The following PRKG1 variants were observed in gnomAD, a reference collection of about 807,000 sequenced individuals.
PRKG1 encodes protein kinase cGMP-dependent 1.
A neutral mutation model predicts 88.1 loss-of-function variants in PRKG1; 35 were observed. That is an observed-to-expected ratio of 0.40 (90% CI 0.30 to 0.53). PRKG1 has a LOEUF of 0.53. Ranked by LOEUF, PRKG1 falls within the 20% of genes least tolerant of loss-of-function variation. PRKG1 has a pLI of 0.59. For synonymous variants in PRKG1, 303 were observed against 292.5 expected (o/e 1.04, Z -0.37); for missense variants, 540 against 839.8 (o/e 0.64, Z 4.41).
intron 1 of PRKG1, among the ~76,000 whole-genome samples, chr10:51,087,439 A>G (rs1463778704): frequency 6.6e-6 from 1 of 152,190 alleles, no homozygotes; most frequent in Non-Finnish European, 1.5e-5. Flanking sequence ...ATATGGAGAA[A>G]ATGAGGCACA....
chr10:51,887,407 C>T (rs1367303621), intron 4 of PRKG1, among the ~76,000 whole-genome samples: 1 of 152,150 alleles, frequency 6.6e-6, no homozygotes, highest in African/African-American at 2.4e-5. Context: ...AAGATCTGAA[C>T]TTTGATTCTT....
chr10:51,620,609 A>T (rs770198306), intron 3 of PRKG1, among the ~76,000 whole-genome samples: 18 of 152,058 alleles, frequency 1.2e-4, no homozygotes, highest in Non-Finnish European at 1.5e-4. Flanking sequence ...TGTTATACTC[A>T]ATCATTTATT....
chr10:51,313,955 G>C (rs1841256902), intron 2 of PRKG1, among the ~76,000 whole-genome samples: 1 of 152,200 alleles, frequency 6.6e-6, no homozygotes, highest in Non-Finnish European at 1.5e-5. Context: ...ATCCATGGGT[G>C]TGGAACTCCA....
chr10:51,994,638 C>T (rs535865944), intron 5 of PRKG1, among the ~76,000 whole-genome samples: 13 of 152,230 alleles, frequency 8.5e-5, no homozygotes, highest in African/African-American at 3.1e-4. Context: ...TCCTTAGGTC[C>T]GTAGTGCTTT....
In PRKG1 at chr10:51,944,097, G is replaced by C. The variant is rs556858505; in HGVS notation, c.762+36527G>C. ...TCCATCTGGTCCTGGACTCTTTTTG[G>C]TTAGTAAGCTATTGATTATTGCCAC... On this transcript the variant is annotated intron_variant, in intron 5 of 17. Coordinates refer to ENST00000373980, the MANE Select transcript of PRKG1 (RefSeq NM_006258.4). 3.0e-3 allele frequency among the ~76,000 whole-genome samples: 463 copies of C among 152,072 alleles called. 12 individuals carry two copies. Among genetic ancestry groups the C allele is most frequent in the African/African-American group, 0.011 (444 of 41,378 alleles).
At chr10:51,972,965 A>G (rs1248550176) in intron 5 of PRKG1, among the ~76,000 whole-genome samples, 1 of 152,104 alleles carries the variant, frequency 6.6e-6, no homozygotes, top group African/African-American at 2.4e-5. Context: ...AAAGTCACTG[A>G]TCTGGTCAGA....
chr10:51,586,276 C>T (rs542271300), intron 3 of PRKG1, among the ~76,000 whole-genome samples: 13 of 152,134 alleles, frequency 8.5e-5, no homozygotes, highest in Admixed American at 3.9e-4. Context: ...ATATTACATA[C>T]TAAAGCTATA....
intron 10 of PRKG1, among the ~76,000 whole-genome samples, chr10:52,259,952 C>T (rs1051084191): frequency 6.6e-5 from 10 of 152,004 alleles, no homozygotes; most frequent in African/African-American, 1.7e-4. Context: ...ATACAAGAAT[C>T]GTATGGGGGA....
In PRKG1 at chr10:52,118,376, ATACT is replaced by A. The variant is rs1847737602; in HGVS notation, c.936-15461_936-15458del. On this transcript the variant is annotated intron_variant, in intron 7 of 17. Transcript: ENST00000373980. Reference sequence around the variant, plus strand: ...GGATATTTAGATATTTAAGCTATAAATACTTAAGGAAACTTTTAATGCATACATA... The same window carrying A: ...GGATATTTAGATATTTAAGCTATAAATAAGGAAACTTTTAATGCATACATA... Among the ~76,000 whole-genome samples, 3 of 152,148 alleles carry A rather than the reference ATACT, an allele frequency of 2.0e-5. No homozygotes were observed. The South Asian group carries it at 6.2e-4, about 32-fold the overall frequency.
At chr10:51,416,248 T>A (rs1200531195) in intron 2 of PRKG1, among the ~76,000 whole-genome samples, 2 of 152,196 alleles carry the variant, frequency 1.3e-5, no homozygotes, top group African/African-American at 4.8e-5. Context: ...TTGAAATAAA[T>A]CATTTTATCA....
At chr10:51,291,941 TTC>T (rs1023029698) in intron 2 of PRKG1, among the ~76,000 whole-genome samples, 2 of 152,210 alleles carry the variant, frequency 1.3e-5, no homozygotes, top group Non-Finnish European at 2.9e-5. Flanking sequence ...CTTGGAGTAC[TTC>T]TGAGTCTAAA....
intron 1 of PRKG1, among the ~76,000 whole-genome samples, chr10:51,011,744 G>A (rs1427659129): frequency 2.6e-5 from 4 of 152,140 alleles, no homozygotes; most frequent in African/African-American, 7.2e-5. Flanking sequence ...GCCTTACTCT[G>A]GGTTCAGTTG....
At chr10:51,276,415 C>A (rs1840119281) in intron 2 of PRKG1, among the ~76,000 whole-genome samples, 1 of 152,156 alleles carries the variant, frequency 6.6e-6, no homozygotes, top group South Asian at 2.1e-4. Context: ...AATAGTGCCG[C>A]AATAAACATA....
intron 3 of PRKG1, among the ~76,000 whole-genome samples, chr10:51,588,862 T>C (rs957250959): frequency 1.2e-4 from 19 of 152,148 alleles, no homozygotes; most frequent in African/African-American, 3.9e-4. Flanking sequence ...GTTATAGTAA[T>C]TGCCTTTTGA....
At chr10:52,111,867 C>A (rs1262646707) in intron 7 of PRKG1, among the ~76,000 whole-genome samples, 2 of 152,124 alleles carry the variant, frequency 1.3e-5, no homozygotes, top group African/African-American at 4.8e-5. Flanking sequence ...GTGCTCTTCC[C>A]ATATCTTTCT....
chr10:51,775,426 T>C (rs1298025892), intron 3 of PRKG1, among the ~76,000 whole-genome samples: 1 of 152,128 alleles, frequency 6.6e-6, no homozygotes, highest in African/African-American at 2.4e-5. Flanking sequence ...TCTCCTACTT[T>C]GAAAGGGCTT....
chr10:51,472,412 A>G (rs1840070756), intron 3 of PRKG1, among the ~76,000 whole-genome samples: 1 of 151,964 alleles, frequency 6.6e-6, no homozygotes, highest in South Asian at 2.1e-4. Context: ...TGCTGTAAAT[A>G]CTTTTACATG....
In PRKG1 at chr10:52,201,341, G is replaced by A. The variant is rs142397520; in HGVS notation, c.1076+39378G>A. 1.4e-3 allele frequency among the ~76,000 whole-genome samples: 219 copies of A among 151,996 alleles called. 2 individuals carry two copies. In the East Asian group the frequency reaches 0.017, roughly 12 times the overall value. On this transcript the variant is annotated intron_variant, in intron 9 of 17. Coordinates refer to ENST00000373980, the MANE Select transcript of PRKG1 (RefSeq NM_006258.4). ...TTCTCCATTGATTGTTTACATTCAC[G>A]TTGTCGAAGATCAAATGTTTATAGG...
chr10:51,565,206 AAAAACCCT>A (rs144533572), intron 3 of PRKG1, among the ~76,000 whole-genome samples: 10,431 of 152,076 alleles, frequency 0.069, 1,162 homozygotes, highest in African/African-American at 0.24. Context: ...CTTACAAATC[AAAAACCCT>A]AAAACCCTAA....
Sources: gnomAD v4.1 joint callset for allele counts (sites outside exome capture counted in the v4.1 genomes callset) on GRCh38, gnomAD v4.1.1 for gene constraint, MANE v1.5 for transcripts, NCBI Gene and HGNC (gene_info 2026-07-23, HGNC 2026-07-21) for gene names.